GGACT: variants seen among roughly 807,000 people sequenced by gnomAD.
GGACT encodes gamma-glutamylamine cyclotransferase.
For missense variants in GGACT, 241 were observed against 233.2 expected, an observed-to-expected ratio of 1.03 and a Z score of -0.22; for synonymous variants, 118 against 115.3, an observed-to-expected ratio of 1.02 and a Z score of -0.15.
At chr13:100,578,605 C>T (rs916452910) in intron 2 of GGACT, among the ~76,000 whole-genome samples, 2 of 152,230 alleles carry the variant, frequency 1.3e-5, no homozygotes, top group African/African-American at 4.8e-5. Flanking sequence ...ACCACGTTAA[C>T]CATGACTTAG....
At chr13:100,588,441 G>A (rs943807008) in intron 1 of GGACT, among the ~76,000 whole-genome samples, 2 of 152,236 alleles carry the variant, frequency 1.3e-5, no homozygotes, top group Non-Finnish European at 2.9e-5. Context: ...AGCAGCGCCC[G>A]TGCGTGAGGC....
rs1326105994 is a variant in GGACT, at chr13:100,531,513, C to CA, written c.*616dup. Reference sequence around the variant, plus strand: ...AGAACCTTCTACCAAATAAGTATACCAAAAAACGTGGGGGTCAAACACAGT... The same window carrying CA: ...AGAACCTTCTACCAAATAAGTATACCAAAAAAACGTGGGGGTCAAACACAGT... On this transcript the variant is annotated 3_prime_UTR_variant, in exon 3 of 3. Coordinates refer to ENST00000683975, the MANE Select transcript of GGACT (RefSeq NM_001195087.2). The CA allele has an allele frequency of 8.5e-5, 13 of 152,200 alleles. No individual in the cohort carries two copies. The highest frequency in any genetic ancestry group is 3.1e-4 in the African/African-American group (13 of 41,536). 9.4% of individuals were successfully genotyped at this position (152,200 alleles called of 1,614,324 possible).
intron 2 of GGACT, among the ~76,000 whole-genome samples, chr13:100,575,687 C>T (rs573740462): frequency 2.0e-3 from 299 of 152,188 alleles, no homozygotes; most frequent in African/African-American, 6.8e-3. Context: ...TCACTTGAGC[C>T]CAGGAGGTCG....
chr13:100,575,870 G>A (rs1239838498), intron 2 of GGACT, among the ~76,000 whole-genome samples: 1 of 152,132 alleles, frequency 6.6e-6, no homozygotes, highest in African/African-American at 2.4e-5. Context: ...ACTATTCATC[G>A]ACCGATCCAA....
chr13:100,535,821 C>T (rs952186130), intron 2 of GGACT: 2 of 151,964 alleles, frequency 1.3e-5, no homozygotes, highest in Admixed American at 6.6e-5. Flanking sequence ...TTTTGCATTT[C>T]GCTTAGTTTC....
intron 2 of GGACT, among the ~76,000 whole-genome samples, chr13:100,557,970 C>T (rs934670850): frequency 3.3e-5 from 5 of 151,916 alleles, no homozygotes; most frequent in African/African-American, 7.3e-5. Flanking sequence ...GATCACCTGT[C>T]GGGAGTTTGA....
intron 2 of GGACT, among the ~76,000 whole-genome samples, chr13:100,544,362 G>C (rs940799616): frequency 1.1e-4 from 16 of 152,246 alleles, no homozygotes; most frequent in African/African-American, 3.6e-4. Flanking sequence ...TCGGGGCAAC[G>C]TGCCAGGGAG....
chr13:100,565,456 T>A (rs1287701468), intron 2 of GGACT, among the ~76,000 whole-genome samples: 1 of 152,208 alleles, frequency 6.6e-6, no homozygotes, highest in Non-Finnish European at 1.5e-5. Flanking sequence ...ATTTCACAAC[T>A]TTAAAACGTG....
intron 2 of GGACT, among the ~76,000 whole-genome samples, chr13:100,565,158 C>T (rs1212660887): frequency 6.6e-6 from 1 of 152,124 alleles, no homozygotes; most frequent in Non-Finnish European, 1.5e-5. Flanking sequence ...TTGTTTAGAG[C>T]GGCTTGGTGA....
intron 2 of GGACT, among the ~76,000 whole-genome samples, chr13:100,546,842 C>T (rs944147637): frequency 6.6e-6 from 1 of 152,212 alleles, no homozygotes; most frequent in Non-Finnish European, 1.5e-5. Flanking sequence ...GCAAGGGAGT[C>T]GCATGGCCCA....
At chr13:100,581,981 T>C (rs1277718781) in intron 2 of GGACT, among the ~76,000 whole-genome samples, 1 of 152,230 alleles carries the variant, frequency 6.6e-6, no homozygotes, top group Non-Finnish European at 1.5e-5. Context: ...ATAAGTTCTA[T>C]GACATTAAGC....
At chr13:100,574,946 T>C (rs927106857) in intron 2 of GGACT, among the ~76,000 whole-genome samples, 3 of 152,204 alleles carry the variant, frequency 2.0e-5, no homozygotes, top group African/African-American at 7.2e-5. Context: ...ACTTGGCCTC[T>C]GAGGTTTCAG....
chr13:100,574,295 G>A (rs992371356), intron 2 of GGACT, among the ~76,000 whole-genome samples: 10 of 152,278 alleles, frequency 6.6e-5, no homozygotes, highest in East Asian at 1.9e-4. Flanking sequence ...AAACCTGGCC[G>A]GGCGTGGTGG....
At chr13:100,560,230 T>C (rs1406130940) in intron 2 of GGACT, among the ~76,000 whole-genome samples, 2 of 152,200 alleles carry the variant, frequency 1.3e-5, no homozygotes, top group African/African-American at 4.8e-5. Context: ...AAAAACGCAC[T>C]GAACTTTAAA....
intron 1 of GGACT, among the ~76,000 whole-genome samples, chr13:100,585,822 C>CAAAAAAAAAAAAAAA (rs550006144): frequency 3.4e-5 from 1 of 29,504 alleles, no homozygotes; most frequent in Non-Finnish European, 7.8e-5. Flanking sequence ...CTGTCTCCAC[C>CAAAAAAAAAAAAAAA]AAAAAAAAAA....
In GGACT at chr13:100,530,699, T is replaced by C. The variant is rs946394018; in HGVS notation, c.*1431A>G. The C allele has an allele frequency of 9.0e-6, 2 of 222,318 alleles. No homozygotes were observed. Among genetic ancestry groups the C allele is most frequent in the Non-Finnish European group, 1.8e-5 (2 of 112,044 alleles). The allele number at this position is 222,318 out of a possible 1,614,324, so 13.8% of individuals were successfully genotyped here. A position where few individuals can be genotyped will look rare whatever the true frequency, so the allele number is the denominator to read the frequency against. On this transcript the variant is annotated 3_prime_UTR_variant, in exon 3 of 3. Coordinates refer to ENST00000683975, the MANE Select transcript of GGACT (RefSeq NM_001195087.2). ...TGCAAATGCAGATTTTGGCAATCCCTTTCCTGCTGTGTCTCTATGTGGGTG... is the reference window on the plus strand; with the variant it reads ...TGCAAATGCAGATTTTGGCAATCCCCTTCCTGCTGTGTCTCTATGTGGGTG...
At chr13:100,564,393 C>T (rs1428219212) in intron 2 of GGACT, among the ~76,000 whole-genome samples, 1 of 152,154 alleles carries the variant, frequency 6.6e-6, no homozygotes, top group Non-Finnish European at 1.5e-5. Context: ...CCTTCACCTA[C>T]ATGGCAAGTT....
At chr13:100,578,216 C>T (rs1414207843) in intron 2 of GGACT, among the ~76,000 whole-genome samples, 2 of 152,254 alleles carry the variant, frequency 1.3e-5, no homozygotes, top group East Asian at 3.9e-4. Context: ...TAATCTCAAA[C>T]ACTGCCAATG....
intron 2 of GGACT, among the ~76,000 whole-genome samples, chr13:100,570,799 T>C (rs373812263): frequency 6.6e-6 from 1 of 152,154 alleles, no homozygotes; most frequent in East Asian, 1.9e-4. Flanking sequence ...AAAAGACTAA[T>C]ACAGTAAATT....
Sources: allele counts gnomAD v4.1 joint callset (sites outside exome capture counted in the v4.1 genomes callset), GRCh38; gene constraint gnomAD v4.1.1; transcripts MANE v1.5; gene names NCBI Gene and HGNC (gene_info 2026-07-23, HGNC 2026-07-21).